The following KCNG3 variants were observed in gnomAD, a reference collection of about 807,000 sequenced individuals.
The protein encoded by KCNG3 is voltage-gated potassium channel regulatory subunit KCNG3.
A neutral mutation model predicts 29.0 loss-of-function variants in KCNG3; 15 were observed. The ratio of observed to expected loss-of-function variants is 0.52; its 90% CI spans 0.35 to 0.80. KCNG3 has a LOEUF of 0.80. Ranked by LOEUF, KCNG3 falls within the 30% of genes least tolerant of loss-of-function variation. The pLI is 0.01. For missense variants in KCNG3, 512 were observed against 605.7 expected (o/e 0.85, Z 1.62); for synonymous variants, 322 against 248.9 (o/e 1.29, Z -2.76).
At chr2:42,405,065 C>G in the KCNG3 span, among the ~76,000 whole-genome samples, 1 of 152,236 alleles carries the variant, frequency 6.6e-6, no homozygotes, top group Non-Finnish European at 1.5e-5. Context: ...CTAGCAAAAT[C>G]TGATTCTCAT....
chr2:42,447,367 C>A (rs987055237), intron 1 of KCNG3, among the ~76,000 whole-genome samples: 1 of 152,074 alleles, frequency 6.6e-6, no homozygotes, highest in Non-Finnish European at 1.5e-5. Flanking sequence ...TGCCCTGCCT[C>A]ATTTGGTTAA....
chr2:42,408,080 T>A, the KCNG3 span, among the ~76,000 whole-genome samples: 86 of 152,336 alleles, frequency 5.6e-4, no homozygotes, highest in East Asian at 0.016. Flanking sequence ...GCTAGCCCCC[T>A]GCCACCTTGG....
the KCNG3 span, among the ~76,000 whole-genome samples, chr2:42,396,905 T>C: frequency 2.0e-5 from 3 of 152,118 alleles, no homozygotes; most frequent in Admixed American, 6.5e-5. Flanking sequence ...GTTAGTTGTT[T>C]AGGGAACTAG....
At chr2:42,406,415 T>C in the KCNG3 span, among the ~76,000 whole-genome samples, 18 of 150,258 alleles carry the variant, frequency 1.2e-4, no homozygotes, top group Middle Eastern at 3.5e-3. Context: ...GATGAGGTTT[T>C]TCCATATTGG....
At chr2:42,432,142 C>T in the KCNG3 span, among the ~76,000 whole-genome samples, 12 of 152,240 alleles carry the variant, frequency 7.9e-5, no homozygotes, top group African/African-American at 1.9e-4. Context: ...GGGCAAGGCC[C>T]GTTGATGGTC....
the KCNG3 span, among the ~76,000 whole-genome samples, chr2:42,435,089 GGTCAGGA>G: frequency 6.6e-6 from 1 of 152,126 alleles, no homozygotes; most frequent in Non-Finnish European, 1.5e-5. Flanking sequence ...GATCACCTGA[GGTCAGGA>G]GTTCAAGACC....
Position 42,493,269 on chromosome 2 carries a change from C to T in KCNG3, c.233G>A (p.Arg78His). 6.2e-7 allele frequency: 1 copy of T among 1,612,224 alleles called. No individual in the cohort carries two copies. The part of the protein sequence containing the change: ...EAFGFILLYV[R>H]GHGKLRFAPR... ...CGCGAAGCGCAGCTTGCCGTGGCCG[C>T]GCACGTAGAGCAGGATGAAGCCGAA... Residue 78 changes from arginine (R) to histidine (H), a missense_variant, in exon 1 of 2, where the codon CGC becomes CAC. Around this residue, in one of 5 missense-constraint regions of KCNG3, gnomAD observed 91 missense variants for 91.1 expected, o/e 1.00. Coordinates refer to ENST00000306078, the MANE Select transcript of KCNG3 (RefSeq NM_133329.6).
At chr2:42,421,716 T>C in the KCNG3 span, among the ~76,000 whole-genome samples, 2 of 152,236 alleles carry the variant, frequency 1.3e-5, no homozygotes, top group Admixed American at 1.3e-4. Flanking sequence ...CCTCAGAATC[T>C]TAGAATTGGG....
At chr2:42,472,064 T>C (rs1468503350) in intron 1 of KCNG3, among the ~76,000 whole-genome samples, 3 of 152,158 alleles carry the variant, frequency 2.0e-5, no homozygotes, top group Non-Finnish European at 2.9e-5. Context: ...GAGAGCTATT[T>C]AGCAACATCG....
the KCNG3 span, among the ~76,000 whole-genome samples, chr2:42,406,673 A>G: frequency 6.6e-6 from 1 of 151,482 alleles, no homozygotes; most frequent in African/African-American, 2.4e-5. Context: ...AAAAATTTAA[A>G]AAAATAAGCC....
At chr2:42,483,530 CTG>C (rs1266378054) in intron 1 of KCNG3, among the ~76,000 whole-genome samples, 1 of 152,222 alleles carries the variant, frequency 6.6e-6, no homozygotes, top group Admixed American at 6.5e-5. Context: ...CACTGACCCA[CTG>C]TGTGAGTCTG....
At chr2:42,407,533 C>A in the KCNG3 span, among the ~76,000 whole-genome samples, 1 of 152,192 alleles carries the variant, frequency 6.6e-6, no homozygotes, top group African/African-American at 2.4e-5. Flanking sequence ...GGGAGCCCCA[C>A]CTCTTCTGAA....
In KCNG3 at chr2:42,444,208, T is replaced by C. The variant is rs1017497395; in HGVS notation, c.1037A>G (p.His346Arg). ...GTTGGATGTTTCCAGGTCCAGCCCA[T>C]GTTCAAGAAGCTGAGAAAGTGCACT... ...IFSALSQLLEHGLDLETSNKD... is the reference protein window; with the variant it reads ...IFSALSQLLERGLDLETSNKD... Residue 346 changes from histidine (H) to arginine (R), a missense_variant, in exon 2 of 2, where the codon CAT (histidine) becomes CGT (arginine). His to Arg is a conservative substitution (Grantham distance 29, BLOSUM62 0). Transcript: ENST00000306078. This position sits in a 1 kb window ranked among gnomAD's most constrained non-coding sequence, Gnocchi z 5.8. 7.4e-6 allele frequency: 12 copies of C among 1,614,004 alleles called. No individual in the cohort carries two copies. Among genetic ancestry groups the C allele is most frequent in the Admixed American group, 6.7e-5 (4 of 60,008 alleles).
intron 1 of KCNG3, among the ~76,000 whole-genome samples, chr2:42,467,753 T>G (rs368382604): frequency 3.4e-4 from 52 of 151,742 alleles, no homozygotes; most frequent in Middle Eastern, 3.4e-3. Context: ...GCAGACTGCT[T>G]GAGCCCAGGA....
chr2:42,440,499 A>C (rs1458865810), downstream of KCNG3: 1 of 130,774 alleles, frequency 7.6e-6, no homozygotes. Flanking sequence ...AAAAAAAAAA[A>C]GGAAAATAAA....
At chr2:42,453,616 T>C (rs1672814223) in intron 1 of KCNG3, among the ~76,000 whole-genome samples, 1 of 152,242 alleles carries the variant, frequency 6.6e-6, no homozygotes, top group South Asian at 2.1e-4. Flanking sequence ...TAATCCCTTG[T>C]CAGATAGGTA....
intron 1 of KCNG3, among the ~76,000 whole-genome samples, chr2:42,451,952 G>A (rs1315881680): frequency 6.6e-6 from 1 of 151,682 alleles, no homozygotes; most frequent in Non-Finnish European, 1.5e-5. Flanking sequence ...AAGAGTGAAA[G>A]GGCAACCTAC....
chr2:42,441,875 C>G (rs1672494660), downstream of KCNG3: 1 of 117,752 alleles, frequency 8.5e-6, no homozygotes, highest in Non-Finnish European at 1.8e-5. Context: ...AATCAGTCAA[C>G]TGTTTGTGCC....
At chr2:42,447,136 A>C (rs1205810289) in intron 1 of KCNG3, among the ~76,000 whole-genome samples, 1 of 136,230 alleles carries the variant, frequency 7.3e-6, no homozygotes, top group Non-Finnish European at 1.6e-5. Context: ...CTCTCACACT[A>C]TTCCAGCCAC....
Sources: gnomAD v4.1 joint callset for allele counts (sites outside exome capture counted in the v4.1 genomes callset) on GRCh38, gnomAD v4.1.1 for gene constraint, gnomAD v4.1.1 regional missense constraint, Gnocchi (gnomAD v3.1) non-coding constraint, MANE v1.5 for transcripts, NCBI Gene and HGNC (gene_info 2026-07-23, HGNC 2026-07-21) for gene names.